ZNF438: variants seen among roughly 807,000 people sequenced by gnomAD.
ZNF438 encodes the protein zinc finger protein 438.
A neutral mutation model predicts 38.0 loss-of-function variants in ZNF438; 25 were observed. The ratio of observed to expected loss-of-function variants is 0.66; its 90% CI spans 0.48 to 0.92. The LOEUF (loss-of-function observed/expected upper bound fraction) is 0.92. ZNF438 is among the 40% of genes least tolerant of loss of function. The pLI is 0.00. For missense variants in ZNF438, 1,007 were observed against 999.6 expected (o/e 1.01, Z -0.10); for synonymous variants, 372 against 364.1 (o/e 1.02, Z -0.25).
chr10:30,930,836 C>CAAAAAAAAAAAAAAAAAAAAAAA (rs2045599179), intron 2 of ZNF438, among the ~76,000 whole-genome samples: 20 of 58,718 alleles, frequency 3.4e-4, no homozygotes, highest in African/African-American at 8.9e-4. Context: ...AAAAAAAAAG[C>CAAAAAAAAAAAAAAAAAAAAAAA]AAATGGTTCT....
At chr10:30,845,964 T>A (rs1382241982) in intron 5 of ZNF438, among the ~76,000 whole-genome samples, 2 of 152,186 alleles carry the variant, frequency 1.3e-5, no homozygotes, top group Admixed American at 1.3e-4. Flanking sequence ...CCACTGTGGC[T>A]CTCCCTAACC....
chr10:30,941,132 C>T (rs753686030), intron 2 of ZNF438, among the ~76,000 whole-genome samples: 74 of 152,150 alleles, frequency 4.9e-4, no homozygotes, highest in Non-Finnish European at 8.8e-5. Context: ...ACTGCAGTAG[C>T]GTGATCTCAG....
chr10:31,010,429 T>C (rs1021243747), intron 1 of ZNF438, among the ~76,000 whole-genome samples: 1 of 152,148 alleles, frequency 6.6e-6, no homozygotes, highest in African/African-American at 2.4e-5. Context: ...GACCAAATAA[T>C]CCTGGGAAGA....
In ZNF438 at chr10:30,960,365, T is replaced by G. The variant is rs1299973948; in HGVS notation, c.-191-18714A>C. On this transcript the variant is annotated intron_variant, in intron 1 of 5. Transcript: ENST00000413025. The stretch of plus-strand genomic sequence containing the variant: ...CTCTGCCTAATCCAAGGTCATAAAG[T>G]TTCTTCTATGCTTTCTTTTAGAAGT... 2.0e-5 allele frequency among the ~76,000 whole-genome samples: 3 copies of G among 147,426 alleles called. 1 individual carries two copies. The highest frequency in any genetic ancestry group is 4.6e-5 in the Non-Finnish European group (3 of 64,988).
chr10:30,891,369 TA>T (rs1377504668), intron 3 of ZNF438, among the ~76,000 whole-genome samples: 1 of 152,170 alleles, frequency 6.6e-6, no homozygotes, highest in Non-Finnish European at 1.5e-5. Flanking sequence ...CTCCCAGTGT[TA>T]AAAATGTGTT....
chr10:31,011,099 G>A (rs1456843758), intron 1 of ZNF438, among the ~76,000 whole-genome samples: 1 of 152,072 alleles, frequency 6.6e-6, no homozygotes, highest in Non-Finnish European at 1.5e-5. Flanking sequence ...TGTAACGGGA[G>A]GGTGCACGTA....
rs558606946 is a variant in ZNF438, at chr10:30,962,756, G to A, written c.-191-21105C>T. 1.3e-5 allele frequency among the ~76,000 whole-genome samples: 2 copies of A among 149,196 alleles called. 1 individual carries two copies. The highest frequency in any genetic ancestry group is 4.3e-4 in the South Asian group (2 of 4,686). On this transcript the variant is annotated intron_variant, in intron 1 of 5. Coordinates refer to ENST00000413025, the Ensembl canonical transcript of ZNF438. The stretch of plus-strand genomic sequence containing the variant: ...CAGCAATTCATACAGCTGAACAACT[G>A]TGGATATTCAGAGAAACATGCACAA...
chr10:30,908,514 C>T (rs189474141), intron 3 of ZNF438, among the ~76,000 whole-genome samples: 1 of 152,150 alleles, frequency 6.6e-6, no homozygotes, highest in South Asian at 2.1e-4. Context: ...CAGTAAGGTG[C>T]TTGCTTTGGA....
intron 1 of ZNF438, among the ~76,000 whole-genome samples, chr10:30,984,069 T>C (rs935771714): frequency 2.0e-5 from 3 of 152,308 alleles, no homozygotes; most frequent in Admixed American, 1.3e-4. Context: ...CATTTAATTA[T>C]TTTTTCTAAT....
chr10:30,846,462 G>A (rs2032126890), intron 5 of ZNF438, among the ~76,000 whole-genome samples: 1 of 152,246 alleles, frequency 6.6e-6, no homozygotes, highest in South Asian at 2.1e-4. Flanking sequence ...GGGCCAGGCT[G>A]AGTCACCTGC....
intron 1 of ZNF438, among the ~76,000 whole-genome samples, chr10:30,981,609 G>T (rs2052157948): frequency 1.3e-5 from 2 of 152,168 alleles, no homozygotes; most frequent in South Asian, 4.1e-4. Flanking sequence ...CGGGCGTGAT[G>T]GCTCACACCT....
At chr10:30,886,736 T>C (rs2039997099) in intron 3 of ZNF438, among the ~76,000 whole-genome samples, 1 of 152,222 alleles carries the variant, frequency 6.6e-6, no homozygotes, top group Non-Finnish European at 1.5e-5. Context: ...TTTCGCACCA[T>C]TGTAAAGTTG....
chr10:30,857,773 T>C (rs1440109820), intron 4 of ZNF438: 10 of 1,439,834 alleles, frequency 6.9e-6, no homozygotes, highest in South Asian at 4.7e-5. Context: ...CATCAAAGGA[T>C]TGGATCTGAT....
intron 3 of ZNF438, among the ~76,000 whole-genome samples, chr10:30,888,119 A>G (rs1199236403): frequency 2.0e-5 from 3 of 152,180 alleles, no homozygotes; most frequent in African/African-American, 4.8e-5. Context: ...GTATAGATAA[A>G]TGTTTTAATA....
chr10:31,022,265 T>TC (rs946605304), intron 1 of ZNF438, among the ~76,000 whole-genome samples: 4 of 151,222 alleles, frequency 2.6e-5, no homozygotes, highest in Non-Finnish European at 5.9e-5. Context: ...TCTTCCTTTT[T>TC]TTTTTCTTTT....
At chr10:30,968,804 T>C (rs528630150) in intron 1 of ZNF438, among the ~76,000 whole-genome samples, 4 of 152,236 alleles carry the variant, frequency 2.6e-5, no homozygotes, top group African/African-American at 9.6e-5. Flanking sequence ...TTTCTAGCTG[T>C]TACTTGGAAA....
intron 4 of ZNF438, among the ~76,000 whole-genome samples, chr10:30,861,815 A>G (rs1424129038): frequency 1.3e-5 from 2 of 152,218 alleles, no homozygotes; most frequent in Non-Finnish European, 2.9e-5. Flanking sequence ...GGCAAAAATA[A>G]TTTGTAGCAC....
At chr10:30,958,204 G>C (rs1195688994) in intron 1 of ZNF438, among the ~76,000 whole-genome samples, 1 of 146,434 alleles carries the variant, frequency 6.8e-6, no homozygotes, top group Non-Finnish European at 1.5e-5. Context: ...TTGATGTTAG[G>C]CTACCAGACT....
At chr10:30,903,874 T>C (rs572355207) in intron 3 of ZNF438, among the ~76,000 whole-genome samples, 1 of 152,330 alleles carries the variant, frequency 6.6e-6, no homozygotes, top group East Asian at 1.9e-4. Flanking sequence ...ATGCAATTAC[T>C]GCTGTTCTAG....
Sources: allele counts gnomAD v4.1 joint callset (sites outside exome capture counted in the v4.1 genomes callset), GRCh38; gene constraint gnomAD v4.1.1; transcripts MANE v1.5; gene names NCBI Gene and HGNC (gene_info 2026-07-23, HGNC 2026-07-21).